SAMMSON: variants seen among roughly 807,000 people sequenced by gnomAD.
The protein encoded by SAMMSON is long intergenic non-protein coding RNA 1212.
intron 4 of SAMMSON, among the ~76,000 whole-genome samples, chr3:70,139,806 A>G (rs1390698386): frequency 6.6e-6 from 1 of 152,118 alleles, no homozygotes; most frequent in Non-Finnish European, 1.5e-5. Context: ...ATTGGACAAT[A>G]GAGTGTGCAA....
chr3:70,409,610 T>C (rs1213716352), intron 2 of SAMMSON, among the ~76,000 whole-genome samples: 4 of 152,184 alleles, frequency 2.6e-5, no homozygotes, highest in Non-Finnish European at 4.4e-5. Context: ...ATGCTTGGTT[T>C]CCTCTTCTGT....
At chr3:70,253,104 A>G (rs1701785036) in intron 6 of SAMMSON, among the ~76,000 whole-genome samples, 1 of 152,182 alleles carries the variant, frequency 6.6e-6, no homozygotes, top group Non-Finnish European at 1.5e-5. Flanking sequence ...TCGAAGAGAA[A>G]CTAATACCTA....
At chr3:70,356,236 T>A (rs1275117792) in intron 8 of SAMMSON, among the ~76,000 whole-genome samples, 1 of 152,136 alleles carries the variant, frequency 6.6e-6, no homozygotes, top group Non-Finnish European at 1.5e-5. Context: ...TAGTATACAT[T>A]CATTTCAGAA....
At position 70,302,173 on chromosome 3, in the gene SAMMSON, C is replaced by T. The variant is rs1385852254; in HGVS notation, n.739+10930C>T. Among the ~76,000 whole-genome samples the T allele has an allele frequency of 3.3e-5, 5 of 152,260 alleles. No individual in the cohort carries two copies. In the East Asian group the frequency reaches 9.6e-4, roughly 29 times the overall value. On this transcript the variant is annotated intron_variant and non_coding_transcript_variant, in intron 7 of 9. Transcript: ENST00000642114. ...TGCTGCACATTTACTTCTCGACAGG[C>T]TTAAATAATGGCTAAAATGGTTGAA... is the stretch of plus-strand genomic sequence containing the variant.
intron 4 of SAMMSON, among the ~76,000 whole-genome samples, chr3:70,235,898 G>C (rs1436660338): frequency 6.6e-6 from 1 of 152,126 alleles, no homozygotes; most frequent in Non-Finnish European, 1.5e-5. Flanking sequence ...TCATATTAGT[G>C]GTTCAATGGA....
At chr3:70,416,308 C>T (rs1701264364) in intron 2 of SAMMSON, among the ~76,000 whole-genome samples, 1 of 152,082 alleles carries the variant, frequency 6.6e-6, no homozygotes, top group Non-Finnish European at 1.5e-5. Flanking sequence ...GGTATCTATT[C>T]CTTTTAAACT....
chr3:70,173,713 T>C (rs1159971520), intron 4 of SAMMSON, among the ~76,000 whole-genome samples: 1 of 152,014 alleles, frequency 6.6e-6, no homozygotes, highest in Non-Finnish European at 1.5e-5. Flanking sequence ...TTTGTGTTTT[T>C]ACAGTCTTGT....
At chr3:70,243,630 A>G (rs1575605109) in intron 4 of SAMMSON, among the ~76,000 whole-genome samples, 2 of 152,282 alleles carry the variant, frequency 1.3e-5, no homozygotes, top group East Asian at 3.9e-4. Flanking sequence ...GTTGGGTGGC[A>G]GCGTCCCTAG....
intron 1 of SAMMSON, among the ~76,000 whole-genome samples, chr3:70,006,611 C>T (rs899204290): frequency 3.3e-5 from 5 of 152,142 alleles, no homozygotes; most frequent in African/African-American, 1.2e-4. Flanking sequence ...AGGAGCAATG[C>T]TCCTTGGATC....
intron 4 of SAMMSON, among the ~76,000 whole-genome samples, chr3:70,102,922 G>C (rs2067351659): frequency 6.6e-6 from 1 of 152,122 alleles, no homozygotes; most frequent in Non-Finnish European, 1.5e-5. Flanking sequence ...AGAATGGTGT[G>C]ATTAAAGGGA....
intron 6 of SAMMSON, among the ~76,000 whole-genome samples, chr3:70,274,947 G>A (rs1702008561): frequency 6.6e-6 from 1 of 152,026 alleles, no homozygotes; most frequent in Non-Finnish European, 1.5e-5. Context: ...ATAAAAGTGG[G>A]AAATAAAATC....
In SAMMSON at chr3:70,348,294, G is replaced by A. The variant is rs180684658; in HGVS notation, n.740-5881G>A. On this transcript the variant is annotated intron_variant and non_coding_transcript_variant, in intron 7 of 9. Transcript: ENST00000642114. ...TGGTCATGGACAGAGGGAATAACCA[G>A]GGCAAAGGTTCTGTATTAGCCCATT... Among the ~76,000 whole-genome samples the A allele has an allele frequency of 2.0e-5, 3 of 152,286 alleles. No individual in the cohort carries two copies. In the East Asian group the frequency reaches 5.8e-4, roughly 29 times the overall value.
intron 9 of SAMMSON, among the ~76,000 whole-genome samples, chr3:70,381,800 G>A (rs1042293707): frequency 1.3e-5 from 2 of 152,106 alleles, no homozygotes; most frequent in African/African-American, 4.8e-5. Context: ...AGCTTTTGGG[G>A]AGAAAAGAAC....
chr3:70,131,673 T>C (rs956038109), intron 4 of SAMMSON, among the ~76,000 whole-genome samples: 1 of 152,152 alleles, frequency 6.6e-6, no homozygotes, highest in Non-Finnish European at 1.5e-5. Flanking sequence ...CTCAACCTCC[T>C]AAACTCAAAC....
chr3:70,310,457 C>T (rs77008710), intron 7 of SAMMSON, among the ~76,000 whole-genome samples: 29,356 of 150,614 alleles, frequency 0.19, 2,962 homozygotes, highest in South Asian at 0.28. Flanking sequence ...CCTCTGCCTC[C>T]CCAGTTCAAG....
chr3:70,432,625 A>G (rs1701423530), intron 2 of SAMMSON, among the ~76,000 whole-genome samples: 2 of 152,006 alleles, frequency 1.3e-5, no homozygotes, highest in South Asian at 4.1e-4. Flanking sequence ...AGTATGGTCC[A>G]TTTGTTAAAA....
chr3:70,343,556 T>G (rs944185144), intron 7 of SAMMSON, among the ~76,000 whole-genome samples: 14 of 152,160 alleles, frequency 9.2e-5, no homozygotes, highest in Non-Finnish European at 1.6e-4. Flanking sequence ...AGGCACAGTG[T>G]GATTCTTCTC....
At chr3:70,325,940 G>T (rs140870168) in intron 7 of SAMMSON, among the ~76,000 whole-genome samples, 4 of 152,050 alleles carry the variant, frequency 2.6e-5, no homozygotes, top group Non-Finnish European at 5.9e-5. Flanking sequence ...GTTTCTTCAC[G>T]TATTTACAAT....
At chr3:70,410,387 A>C (rs972203172) in intron 2 of SAMMSON, among the ~76,000 whole-genome samples, 2 of 152,184 alleles carry the variant, frequency 1.3e-5, no homozygotes, top group African/African-American at 4.8e-5. Context: ...TCATCCCCTA[A>C]GACATTGTTT....
Sources: gnomAD v4.1 joint callset for allele counts (sites outside exome capture counted in the v4.1 genomes callset) on GRCh38, gnomAD v4.1.1 for gene constraint, MANE v1.5 for transcripts, NCBI Gene and HGNC (gene_info 2026-07-23, HGNC 2026-07-21) for gene names.